Variants in SNTG1 observed in about 807,000 individuals in gnomAD.
SNTG1 encodes gamma-1-syntrophin.
In SNTG1, 39 loss-of-function variants were observed where a neutral mutation model predicts 74.7. The ratio of observed to expected loss-of-function variants is 0.52; its 90% CI spans 0.40 to 0.68. The LOEUF is 0.68. SNTG1 is among the 30% of genes least tolerant of loss of function. The probability of loss-of-function intolerance (pLI) is 0.00; values close to 1 mark genes in which losing one functional copy is unlikely to be tolerated. For missense variants in SNTG1, 685 were observed against 609.5 expected (o/e 1.12, Z -1.30); for synonymous variants, 254 against 217.1 (o/e 1.17, Z -1.49).
chr8:50,785,116 ATCTT>A (rs1392385546), intron 18 of SNTG1, among the ~76,000 whole-genome samples: 2 of 152,020 alleles, frequency 1.3e-5, no homozygotes, highest in African/African-American at 4.8e-5. Flanking sequence ...TAAATACCTA[ATCTT>A]TCTCAATAAG....
At chr8:50,005,256 G>T (rs1815106964) in intron 1 of SNTG1, among the ~76,000 whole-genome samples, 1 of 151,910 alleles carries the variant, frequency 6.6e-6, no homozygotes, top group Non-Finnish European at 1.5e-5. Flanking sequence ...ATATCATCAA[G>T]AGTGTTATAC....
intron 12 of SNTG1, among the ~76,000 whole-genome samples, chr8:50,590,582 G>A (rs2094684960): frequency 6.6e-6 from 1 of 152,008 alleles, no homozygotes. Context: ...CTGCATTCTT[G>A]ATAGATAATC....
At chr8:50,649,889 TTTTG>T (rs879406205) in intron 13 of SNTG1, among the ~76,000 whole-genome samples, 35 of 152,102 alleles carry the variant, frequency 2.3e-4, no homozygotes, top group Admixed American at 7.2e-4. Flanking sequence ...TACAAAATAA[TTTTG>T]TTTATTTAAA....
intron 1 of SNTG1, among the ~76,000 whole-genome samples, chr8:49,944,570 G>T (rs1392853849): frequency 1.8e-5 from 2 of 108,244 alleles, no homozygotes; most frequent in African/African-American, 3.7e-5. Context: ...ACCCTCTGGG[G>T]ACTGTTGTGG....
intron 13 of SNTG1, among the ~76,000 whole-genome samples, chr8:50,633,677 C>T (rs1326580502): frequency 6.6e-6 from 1 of 152,182 alleles, no homozygotes; most frequent in Non-Finnish European, 1.5e-5. Context: ...GGAACTGATA[C>T]ATAACCATCC....
intron 2 of SNTG1, among the ~76,000 whole-genome samples, chr8:50,314,081 T>C (rs753644338): frequency 3.3e-5 from 5 of 149,778 alleles, no homozygotes; most frequent in Non-Finnish European, 5.9e-5. Context: ...CCTTACATTG[T>C]TAGGTACACC....
chr8:50,300,198 C>T (rs935865629), intron 2 of SNTG1, among the ~76,000 whole-genome samples: 2 of 152,156 alleles, frequency 1.3e-5, no homozygotes, highest in Non-Finnish European at 2.9e-5. Context: ...CTTATCTTTT[C>T]GACCAAAAGA....
Position 49,930,616 on chromosome 8 carries a change from A to G in SNTG1, c.-103+18385A>G, listed in dbSNP as rs568456394. Among the ~76,000 whole-genome samples the G allele has an allele frequency of 1.4e-4, 22 of 152,168 alleles. No homozygotes were observed. In the South Asian group the frequency reaches 2.1e-3, roughly 14 times the overall value. On this transcript the variant is annotated intron_variant, in intron 1 of 18. Coordinates refer to ENST00000642720, the MANE Select transcript of SNTG1 (RefSeq NM_018967.5). ...CATTCTTTATTTATATATGTTGGAA[A>G]TTTTCTATTTGAAACCAGGAACACA...
rs966655795 is a variant in SNTG1 at position 50,785,997 on chromosome 8, G to C, written c.1396-6674G>C. On this transcript the variant is annotated intron_variant, in intron 18 of 18. Transcript: ENST00000642720. The stretch of plus-strand genomic sequence containing the variant: ...ATACTGAAGAAAACTAAGTATTGAA[G>C]GAATGTATGTGTTCCCCCTACAATT... 1.3e-5 allele frequency among the ~76,000 whole-genome samples: 2 copies of C among 151,912 alleles called. 1 individual carries two copies. The highest frequency in any genetic ancestry group is 6.3e-3 in the Middle Eastern group (2 of 316).
chr8:49,944,954 A>AT (rs975743124), intron 1 of SNTG1, among the ~76,000 whole-genome samples: 19 of 151,980 alleles, frequency 1.3e-4, no homozygotes, highest in African/African-American at 4.6e-4. Context: ...TGCCTGGCTA[A>AT]TTTTTTTGTA....
intron 8 of SNTG1, among the ~76,000 whole-genome samples, chr8:50,453,826 C>T (rs2131638490): frequency 6.6e-6 from 1 of 151,584 alleles, no homozygotes; most frequent in South Asian, 2.1e-4. Context: ...CATGATGGGC[C>T]CTGGGGGGTC....
At chr8:50,354,575 T>G (rs1184381884) in intron 2 of SNTG1, among the ~76,000 whole-genome samples, 1 of 152,226 alleles carries the variant, frequency 6.6e-6, no homozygotes. Context: ...CTGACATTAT[T>G]GTCTCTTCTG....
At chr8:50,693,375 C>A (rs1303282762) in intron 15 of SNTG1, among the ~76,000 whole-genome samples, 4 of 152,078 alleles carry the variant, frequency 2.6e-5, no homozygotes, top group African/African-American at 9.7e-5. Flanking sequence ...CGGAGCTGTT[C>A]CTATTCGGCA....
intron 13 of SNTG1, among the ~76,000 whole-genome samples, chr8:50,652,119 G>T (rs537645938): frequency 6.6e-6 from 1 of 152,124 alleles, no homozygotes; most frequent in Admixed American, 6.5e-5. Context: ...TTTTGGAGGG[G>T]GATATTCTAA....
chr8:50,780,142 A>G (rs971044351), intron 18 of SNTG1, among the ~76,000 whole-genome samples: 1 of 152,160 alleles, frequency 6.6e-6, no homozygotes, highest in Admixed American at 6.5e-5. Flanking sequence ...AATGTTCATC[A>G]AGGATATTGG....
chr8:50,350,396 G>A (rs940358930), intron 2 of SNTG1, among the ~76,000 whole-genome samples: 1 of 152,214 alleles, frequency 6.6e-6, no homozygotes, highest in African/African-American at 2.4e-5. Context: ...GTCTGGTGGG[G>A]ACTTCAAGAA....
intron 1 of SNTG1, among the ~76,000 whole-genome samples, chr8:50,112,573 A>G (rs1332342021): frequency 8.8e-6 from 1 of 113,914 alleles, no homozygotes; most frequent in Admixed American, 1.4e-4. Context: ...CCCAGGCTGG[A>G]GTGCAGTGGC....
chr8:50,001,853 T>C (rs1563454656), intron 1 of SNTG1, among the ~76,000 whole-genome samples: 1 of 152,142 alleles, frequency 6.6e-6, no homozygotes, highest in East Asian at 1.9e-4. Flanking sequence ...TCAGTGTATT[T>C]GATTTATACA....
At chr8:50,411,730 A>C (rs931871669) in intron 4 of SNTG1, among the ~76,000 whole-genome samples, 1 of 152,158 alleles carries the variant, frequency 6.6e-6, no homozygotes, top group African/African-American at 2.4e-5. Flanking sequence ...AGTAGTCACC[A>C]CTAGGGACAT....
Sources: allele counts gnomAD v4.1 joint callset (sites outside exome capture counted in the v4.1 genomes callset), GRCh38; gene constraint gnomAD v4.1.1; transcripts MANE v1.5; gene names NCBI Gene and HGNC (gene_info 2026-07-23, HGNC 2026-07-21).